The following CSMD1 variants were observed in gnomAD, a reference collection of about 807,000 sequenced individuals.
The protein encoded by CSMD1 is CUB and Sushi multiple domains 1.
CSMD1 carries 213 observed loss-of-function variants against 417.5 expected under a neutral mutation model. That is an observed-to-expected ratio of 0.51 (90% CI 0.46 to 0.57). CSMD1 has a LOEUF of 0.57. CSMD1 is among the 20% of genes least tolerant of loss of function. The pLI is 0.00. For missense variants in CSMD1, 6,923 were observed against 4,529.7 expected, an observed-to-expected ratio of 1.53 and a Z score of -15.17; for synonymous variants, 2,862 against 1,736.8, an observed-to-expected ratio of 1.65 and a Z score of -16.11.
At position 4,525,195 on chromosome 8, in the gene CSMD1, C is replaced by T. The variant is rs182542375; in HGVS notation, c.303-105130G>A. The stretch of plus-strand genomic sequence containing the variant: ...CCACCTTCCCTCTATGCCACAACCC[C>T]CACCTACCAACAAAAAAGGAAGAAG... On this transcript the variant is annotated intron_variant, in intron 2 of 69. Transcript: ENST00000635120. Among the ~76,000 whole-genome samples the T allele has an allele frequency of 1.0e-3, 159 of 152,236 alleles. 2 individuals carry two copies. The highest frequency in any genetic ancestry group is 3.7e-3 in the African/African-American group (155 of 41,552).
intron 3 of CSMD1, among the ~76,000 whole-genome samples, chr8:4,209,471 T>C (rs969144079): frequency 2.0e-5 from 3 of 152,180 alleles, no homozygotes; most frequent in Non-Finnish European, 4.4e-5. Context: ...CATCTGCTAG[T>C]TCCCGAACAC....
intron 8 of CSMD1, among the ~76,000 whole-genome samples, chr8:3,608,579 T>C (rs1211782299): frequency 4.0e-5 from 6 of 151,672 alleles, no homozygotes; most frequent in Admixed American, 3.3e-4. Context: ...CTGGCCAACA[T>C]AGTGAAACCC....
chr8:3,657,779 G>A (rs556346903), intron 7 of CSMD1, among the ~76,000 whole-genome samples: 1 of 152,186 alleles, frequency 6.6e-6, no homozygotes, highest in East Asian at 1.9e-4. Flanking sequence ...AACCACCATG[G>A]CACGTGTATA....
At chr8:4,032,793 A>C (rs1242248788) in intron 3 of CSMD1, among the ~76,000 whole-genome samples, 2 of 152,322 alleles carry the variant, frequency 1.3e-5, no homozygotes, top group Middle Eastern at 3.4e-3. Flanking sequence ...TAAAAAAATA[A>C]TAAAATTCAA....
At chr8:4,145,308 G>T (rs892268637) in intron 3 of CSMD1, among the ~76,000 whole-genome samples, 1 of 150,872 alleles carries the variant, frequency 6.6e-6, no homozygotes, top group Non-Finnish European at 1.5e-5. Context: ...GAACTTTATG[G>T]TACTCACCAT....
At chr8:3,956,452 G>C (rs926752628) in intron 5 of CSMD1, among the ~76,000 whole-genome samples, 1 of 152,186 alleles carries the variant, frequency 6.6e-6, no homozygotes, top group Non-Finnish European at 1.5e-5. Flanking sequence ...CCTTGTGATA[G>C]CTTGAGTTTC....
At chr8:3,741,268 T>G in intron 6 of CSMD1, among the ~76,000 whole-genome samples, 1 of 129,422 alleles carries the variant, frequency 7.7e-6, no homozygotes, top group South Asian at 2.5e-4. Context: ...GTAGAGGAGG[T>G]ATGACTCCAT....
At chr8:4,453,936 C>G (rs984154980) in intron 2 of CSMD1, among the ~76,000 whole-genome samples, 2 of 149,812 alleles carry the variant, frequency 1.3e-5, no homozygotes, top group Non-Finnish European at 3.0e-5. Flanking sequence ...ATTCTCCTGC[C>G]TCAGCCTCCC....
chr8:3,493,594 GAGA>G (rs10539369), intron 11 of CSMD1, 26 bp downstream of exon 11: 75,015 of 1,566,754 alleles, frequency 0.048, 2,001 homozygotes, highest in Middle Eastern at 0.066. Flanking sequence ...GCATGCATAA[GAGA>G]AGAAGAAGCT....
intron 1 of CSMD1, among the ~76,000 whole-genome samples, chr8:4,664,329 G>A (rs1804784323): frequency 6.6e-6 from 1 of 152,196 alleles, no homozygotes; most frequent in Non-Finnish European, 1.5e-5. Flanking sequence ...GAAGGCTGAG[G>A]CGGGCGGATC....
intron 2 of CSMD1, among the ~76,000 whole-genome samples, chr8:4,446,568 G>C (rs1255107958): frequency 6.6e-6 from 1 of 152,028 alleles, no homozygotes; most frequent in Non-Finnish European, 1.5e-5. Flanking sequence ...GTTTTGTTGT[G>C]GGGAAGATGG....
chr8:4,220,754 G>A (rs533587988), intron 3 of CSMD1, among the ~76,000 whole-genome samples: 2 of 152,324 alleles, frequency 1.3e-5, no homozygotes, highest in East Asian at 1.9e-4. Flanking sequence ...CAGAGAAACA[G>A]GGTGGAGAAT....
chr8:3,396,075 A>T, intron 17 of CSMD1, 119 bp downstream of exon 17: 1 of 806,420 alleles, frequency 1.2e-6, no homozygotes, highest in Non-Finnish European at 2.0e-6. Context: ...TGGTTTTGCT[A>T]GAGTCAAGCA....
intron 2 of CSMD1, among the ~76,000 whole-genome samples, chr8:4,453,873 G>A (rs555066605): frequency 3.9e-4 from 53 of 136,284 alleles, no homozygotes; most frequent in Non-Finnish European, 5.3e-4. Flanking sequence ...CCACGCTGGA[G>A]TGCACTGGCG....
intron 1 of CSMD1, among the ~76,000 whole-genome samples, chr8:4,871,664 T>C (rs1398716827): frequency 6.6e-6 from 1 of 152,152 alleles, no homozygotes; most frequent in East Asian, 1.9e-4. Flanking sequence ...TTAGGAACTA[T>C]ATCATAAAAT....
At chr8:4,162,089 A>G (rs1487095654) in intron 3 of CSMD1, among the ~76,000 whole-genome samples, 1 of 152,230 alleles carries the variant, frequency 6.6e-6, no homozygotes, top group Non-Finnish European at 1.5e-5. Context: ...TTAAGGCAAC[A>G]TTTAAACACT....
At chr8:3,997,348 C>T (rs1815294912) in intron 5 of CSMD1, among the ~76,000 whole-genome samples, 1 of 152,108 alleles carries the variant, frequency 6.6e-6, no homozygotes, top group South Asian at 2.1e-4. Context: ...GGGGTACACA[C>T]CAGAGAACTG....
intron 41 of CSMD1, among the ~76,000 whole-genome samples, chr8:3,132,351 G>A (rs765634960): frequency 1.3e-5 from 2 of 151,356 alleles, no homozygotes; most frequent in Non-Finnish European, 2.9e-5. Context: ...TACATAGACG[G>A]CCTTCAAAAA....
At chr8:3,377,231 C>G (rs753296274) in intron 18 of CSMD1, among the ~76,000 whole-genome samples, 4 of 152,136 alleles carry the variant, frequency 2.6e-5, no homozygotes, top group African/African-American at 9.7e-5. Flanking sequence ...AGGCTGGCCT[C>G]GAACTCCTGG....
Sources: allele counts gnomAD v4.1 joint callset (sites outside exome capture counted in the v4.1 genomes callset), GRCh38; gene constraint gnomAD v4.1.1; transcripts MANE v1.5; gene names NCBI Gene and HGNC (gene_info 2026-07-23, HGNC 2026-07-21).